Variants in IFT74 observed in about 807,000 individuals in gnomAD.
IFT74 encodes the protein intraflagellar transport protein 74 homolog.
IFT74 carries 92 observed loss-of-function variants against 96.7 expected under a neutral mutation model. The ratio of observed to expected loss-of-function variants is 0.95; its 90% CI spans 0.80 to 1.13. IFT74 has a LOEUF of 1.13. Among genes scored for constraint, IFT74 ranks in the 50% most tolerant of loss-of-function variants. The pLI, the probability that IFT74 is intolerant of heterozygous loss-of-function variation, is 0.00. For synonymous variants in IFT74, 223 were observed against 213.2 expected (o/e 1.05, Z -0.40); for missense variants, 811 against 698.2 (o/e 1.16, Z -1.82).
chr9:27,044,817 A>T (rs772206942), intron 14 of IFT74, 22 bp downstream of exon 14: 2 of 1,346,028 alleles, frequency 1.5e-6, no homozygotes, highest in Non-Finnish European at 1.0e-6. Flanking sequence ...TCTTGTAGAT[A>T]TAAAAATATA....
intron 16 of IFT74, among the ~76,000 whole-genome samples, chr9:27,053,083 T>G (rs566933774): frequency 7.4e-4 from 112 of 151,208 alleles, no homozygotes; most frequent in African/African-American, 2.1e-3. Flanking sequence ...CAGGATGGCC[T>G]CGATCTCCTG....
At chr9:26,996,535 A>C (rs759366480) in intron 8 of IFT74, 14 of 1,285,338 alleles carry the variant, frequency 1.1e-5, no homozygotes, top group African/African-American at 1.5e-5. Context: ...TAGTATAGAG[A>C]AAAATAATAG....
At chr9:27,016,639 T>C (rs1029294049) in intron 10 of IFT74, among the ~76,000 whole-genome samples, 2 of 152,240 alleles carry the variant, frequency 1.3e-5, no homozygotes, top group Non-Finnish European at 2.9e-5. Flanking sequence ...AGTTGTCCTA[T>C]ACTTATTCAG....
chr9:27,048,086 T>C, intron 15 of IFT74, 62 bp from the exon 16 acceptor site: 1 of 1,224,210 alleles, frequency 8.2e-7, no homozygotes, highest in Non-Finnish European at 1.1e-6. Flanking sequence ...TTTCCAAGAG[T>C]TTTATTGAGA....
chr9:26,957,818 G>A (rs1323706869), intron 1 of IFT74, among the ~76,000 whole-genome samples: 1 of 151,792 alleles, frequency 6.6e-6, no homozygotes, highest in Non-Finnish European at 1.5e-5. Context: ...TTTTGAGACG[G>A]AGTCTTGCTC....
At chr9:26,967,656 T>A (rs1321090003) in intron 2 of IFT74, among the ~76,000 whole-genome samples, 1 of 152,202 alleles carries the variant, frequency 6.6e-6, no homozygotes, top group African/African-American at 2.4e-5. Context: ...AAAGTGGGCA[T>A]CCTTGTTGTG....
chr9:26,952,466 G>A (rs1563928364), upstream of IFT74, among the ~76,000 whole-genome samples: 1 of 151,860 alleles, frequency 6.6e-6, no homozygotes, highest in African/African-American at 2.4e-5. Flanking sequence ...TAGTAGAGAC[G>A]GGGTTTCACC....
At chr9:27,052,954 CAG>C (rs1304848784) in intron 16 of IFT74, among the ~76,000 whole-genome samples, 9 of 152,086 alleles carry the variant, frequency 5.9e-5, no homozygotes, top group Non-Finnish European at 1.3e-4. Context: ...GCTCCGCCCC[CAG>C]GGGTTCACGC....
chr9:27,036,100 A>G (rs1207026172), intron 13 of IFT74, among the ~76,000 whole-genome samples: 4 of 152,256 alleles, frequency 2.6e-5, no homozygotes, highest in Non-Finnish European at 4.4e-5. Context: ...AGAGAACTAT[A>G]AAGATTTTTA....
At chr9:27,037,787 G>T (rs761047449) in intron 13 of IFT74, among the ~76,000 whole-genome samples, 9 of 152,166 alleles carry the variant, frequency 5.9e-5, no homozygotes, top group Non-Finnish European at 1.3e-4. Flanking sequence ...ACAATAGGAA[G>T]GCTTGGGTGA....
At chr9:26,973,243 A>G (rs976138986) in intron 2 of IFT74, among the ~76,000 whole-genome samples, 1 of 152,198 alleles carries the variant, frequency 6.6e-6, no homozygotes, top group Admixed American at 6.5e-5. Flanking sequence ...GGTCTGGACT[A>G]TCTGGTTAAT....
chr9:27,021,851 C>G (rs764300408), intron 12 of IFT74, among the ~76,000 whole-genome samples: 2 of 152,060 alleles, frequency 1.3e-5, no homozygotes, highest in Non-Finnish European at 2.9e-5. Context: ...ATCTATTTAT[C>G]TTTGTTTTTG....
intron 13 of IFT74, among the ~76,000 whole-genome samples, chr9:27,044,128 G>A (rs1194755500): frequency 6.6e-6 from 1 of 152,022 alleles, no homozygotes; most frequent in Non-Finnish European, 1.5e-5. Context: ...AGTTCTTTAT[G>A]CTACCATATT....
intron 13 of IFT74, among the ~76,000 whole-genome samples, chr9:27,037,241 C>G (rs1487179858): frequency 7.1e-6 from 1 of 140,610 alleles, no homozygotes; most frequent in Non-Finnish European, 1.5e-5. Context: ...AAAAAAAAAG[C>G]TTGCAGAGAC....
chr9:27,014,718 T>G (rs1250498782), intron 10 of IFT74, among the ~76,000 whole-genome samples: 1 of 152,198 alleles, frequency 6.6e-6, no homozygotes, highest in African/African-American at 2.4e-5. Flanking sequence ...CAAGCAATTC[T>G]CCTGCCTCAG....
At chr9:27,029,229 C>G in intron 13 of IFT74, 125 bp downstream of exon 13, 2 of 584,860 alleles carry the variant, frequency 3.4e-6, no homozygotes, top group Middle Eastern at 6.8e-4. Flanking sequence ...TATGATATTA[C>G]TAACTTTACT....
chr9:27,018,270 T>G (rs1829441726), intron 11 of IFT74, among the ~76,000 whole-genome samples: 1 of 152,248 alleles, frequency 6.6e-6, no homozygotes, highest in African/African-American at 2.4e-5. Flanking sequence ...ATTCACTATT[T>G]ATCTGAAATT....
chr9:27,034,390 A>G (rs1830258769), intron 13 of IFT74, among the ~76,000 whole-genome samples: 1 of 152,228 alleles, frequency 6.6e-6, no homozygotes, highest in Non-Finnish European at 1.5e-5. Context: ...AACAAAATAT[A>G]ATACTTTGGT....
Position 27,048,129 on chromosome 9 carries a change from T to C in IFT74, c.1207-19T>C. The C allele has an allele frequency of 6.5e-7, 1 of 1,532,838 alleles. No homozygotes were observed. Among genetic ancestry groups the C allele is most frequent in the Non-Finnish European group, 8.8e-7 (1 of 1,134,182 alleles). 95.0% of individuals were successfully genotyped at this position (1,532,838 alleles called of 1,614,324 possible). A position where few individuals can be genotyped will look rare whatever the true frequency, so the allele number is the denominator to read the frequency against. Reference sequence around the variant, plus strand: ...AAATCAGTGGATTTTTTTCTATTTTTATTTCTCTGCAAATGCAGAATATAA... The same window carrying C: ...AAATCAGTGGATTTTTTTCTATTTTCATTTCTCTGCAAATGCAGAATATAA... On this transcript the variant is annotated intron_variant, in intron 15 of 19. Transcript: ENST00000380062.
Sources: gnomAD v4.1 joint callset for allele counts (sites outside exome capture counted in the v4.1 genomes callset) on GRCh38, gnomAD v4.1.1 for gene constraint, MANE v1.5 for transcripts, NCBI Gene and HGNC (gene_info 2026-07-23, HGNC 2026-07-21) for gene names.